LRRC36: variants seen among roughly 807,000 people sequenced by gnomAD.
LRRC36 encodes the protein leucine-rich repeat-containing protein 36.
A neutral mutation model predicts 81.1 loss-of-function variants in LRRC36; 62 were observed. The ratio of observed to expected loss-of-function variants is 0.76; its 90% confidence interval spans 0.62 to 0.94. The LOEUF (loss-of-function observed/expected upper bound fraction) is 0.94. Ranked by LOEUF, LRRC36 falls within the 40% of genes least tolerant of loss-of-function variation. The probability of loss-of-function intolerance (pLI) is 0.00; values close to 1 mark genes in which losing one functional copy is unlikely to be tolerated. For missense variants in LRRC36, 761 were observed against 881.7 expected (o/e 0.86, Z 1.73); for synonymous variants, 334 against 348.6 (o/e 0.96, Z 0.47).
intron 12 of LRRC36, among the ~76,000 whole-genome samples, chr16:67,381,488 G>A (rs866894858): frequency 1.5e-4 from 23 of 152,100 alleles, no homozygotes; most frequent in Middle Eastern, 3.2e-3. Context: ...TGGAGAATAC[G>A]GTGTGAGACC....
intron 8 of LRRC36, 67 bp from the exon 9 acceptor site, chr16:67,370,877 T>A: frequency 1.5e-6 from 2 of 1,346,928 alleles, no homozygotes; most frequent in South Asian, 1.3e-5. Context: ...ACAGGCAAGG[T>A]ATGGATAGAA....
intron 2 of LRRC36, among the ~76,000 whole-genome samples, chr16:67,345,110 A>C (rs1256450963): frequency 6.6e-6 from 1 of 152,000 alleles, no homozygotes; most frequent in Non-Finnish European, 1.5e-5. Flanking sequence ...TCAGGAGTTC[A>C]AGACCAGCCT....
In LRRC36 at chr16:67,363,580, T is replaced by C. The variant is rs879610543; in HGVS notation, c.578-10T>C. 5.6e-6 allele frequency: 9 copies of C among 1,613,268 alleles called. No individual in the cohort carries two copies. The highest frequency in any genetic ancestry group is 7.6e-6 in the Non-Finnish European group (9 of 1,179,500). On this transcript the variant is annotated splice_polypyrimidine_tract_variant and intron_variant, in intron 5 of 13. Transcript: ENST00000329956. ...GAGTGCTTTATTGTTTGCTTTTTCT[T>C]TTAACACAGACTCAAACAAAGGACT... is the stretch of plus-strand genomic sequence containing the variant.
In LRRC36 at chr16:67,371,008, A is replaced by G. The variant is rs1454602330; in HGVS notation, c.1260A>G (p.Leu420=). 4 of 1,614,130 alleles carry G rather than the reference A, an allele frequency of 2.5e-6. No homozygotes were observed. Among genetic ancestry groups the G allele is most frequent in the South Asian group, 1.1e-5 (1 of 91,080 alleles). ...PAVLVNVEQQ[L]STSLDDLTPA... ...TACTTGTCAATGTAGAGCAACAATT[A>G]TCTACCAGCCTGGATGATTTAACAC... Residue 420 remains leucine, a synonymous_variant, in exon 9 of 14, where the codon TTA becomes TTG. Coordinates refer to ENST00000329956, the MANE Select transcript of LRRC36 (RefSeq NM_018296.6).
At chr16:67,331,113 G>GAGAGAGAGAGAA (rs1567462464) in intron 1 of LRRC36, among the ~76,000 whole-genome samples, 15 of 136,136 alleles carry the variant, frequency 1.1e-4, no homozygotes, top group African/African-American at 4.0e-4. Context: ...GAGAGAGAGA[G>GAGAGAGAGAGAA]AAGACTGAAC....
chr16:67,337,280 C>T (rs1386541079), intron 1 of LRRC36, among the ~76,000 whole-genome samples: 2 of 151,472 alleles, frequency 1.3e-5, no homozygotes, highest in African/African-American at 4.8e-5. Context: ...TTCTATTGTT[C>T]TTTTGTGCTC....
In LRRC36 at chr16:67,370,314, C is replaced by T. The variant is rs1218427871; in HGVS notation, c.1196-630C>T. 4.6e-5 allele frequency among the ~76,000 whole-genome samples: 7 copies of T among 152,112 alleles called. No individual in the cohort carries two copies. The East Asian group carries it at 1.4e-3, about 29-fold the overall frequency. On this transcript the variant is annotated intron_variant, in intron 8 of 13. Coordinates refer to ENST00000329956, the MANE Select transcript of LRRC36 (RefSeq NM_018296.6). ...TTGAAGAGAGATGTGAAATATTTGT[C>T]TCAGAGAATAGAAGAGTAAATTGGC...
At chr16:67,382,779 C>T (rs148040286) in intron 13 of LRRC36, among the ~76,000 whole-genome samples, 12 of 152,026 alleles carry the variant, frequency 7.9e-5, no homozygotes, top group African/African-American at 2.4e-4. Context: ...GTCAAGAGAT[C>T]GAGACCATCC....
chr16:67,376,444 G>A (rs2039896632), intron 10 of LRRC36, among the ~76,000 whole-genome samples: 1 of 152,196 alleles, frequency 6.6e-6, no homozygotes, highest in African/African-American at 2.4e-5. Flanking sequence ...TCCTTCTCAT[G>A]TTGACCTATT....
At position 67,370,935 on chromosome 16, in the gene LRRC36, C is replaced by T. The variant is rs1272084511; in HGVS notation, c.1196-9C>T. 6.2e-7 allele frequency: 1 copy of T among 1,606,060 alleles called. No individual in the cohort carries two copies. The highest frequency in any genetic ancestry group is 2.2e-5 in the East Asian group (1 of 44,682). On this transcript the variant is annotated splice_polypyrimidine_tract_variant and intron_variant, in intron 8 of 13. Coordinates refer to ENST00000329956, the MANE Select transcript of LRRC36 (RefSeq NM_018296.6). ...GGCAGGTTCATCTGTTAGCCTGTTT[C>T]CTCCACAGATCTGTATGCCACAACC... is the stretch of plus-strand genomic sequence containing the variant.
chr16:67,374,635 A>T (rs1372378581), intron 9 of LRRC36, among the ~76,000 whole-genome samples: 2 of 151,384 alleles, frequency 1.3e-5, no homozygotes, highest in Non-Finnish European at 2.9e-5. Context: ...AGATCAAATG[A>T]TCTGCCTGCC....
intron 13 of LRRC36, among the ~76,000 whole-genome samples, chr16:67,384,448 A>G (rs2040221150): frequency 6.6e-6 from 1 of 152,176 alleles, no homozygotes; most frequent in Non-Finnish European, 1.5e-5. Flanking sequence ...AAAAAAAATT[A>G]GATGGTAATA....
At chr16:67,366,108 C>A (rs1252653278) in intron 7 of LRRC36, among the ~76,000 whole-genome samples, 3 of 148,784 alleles carry the variant, frequency 2.0e-5, no homozygotes, top group African/African-American at 7.5e-5. Flanking sequence ...GATTTCTAGG[C>A]AGTTCGTTCT....
Position 67,376,716 on chromosome 16 carries a change from A to AT in LRRC36, c.1661-6dup. ...AGATTGGCCTGTGTGCCCATCCTGAATTTTTGGCAGGTCCTGCCCGAGATT... is the reference window on the plus strand; with the variant it reads ...AGATTGGCCTGTGTGCCCATCCTGAATTTTTTGGCAGGTCCTGCCCGAGATT... On this transcript the variant is annotated splice_polypyrimidine_tract_variant and intron_variant, in intron 10 of 13. Coordinates refer to ENST00000329956, the MANE Select transcript of LRRC36 (RefSeq NM_018296.6). 6.2e-7 allele frequency: 1 copy of AT among 1,608,110 alleles called. No individual in the cohort carries two copies. Among genetic ancestry groups the AT allele is most frequent in the Non-Finnish European group, 8.5e-7 (1 of 1,175,330 alleles).
At chr16:67,329,292 G>T (rs1056514401) in intron 1 of LRRC36, among the ~76,000 whole-genome samples, 1 of 151,626 alleles carries the variant, frequency 6.6e-6, no homozygotes, top group Non-Finnish European at 1.5e-5. Flanking sequence ...TTCTTTTTTT[G>T]GTTTTGTTTT....
At chr16:67,373,210 CAAAT>C (rs1047367072) in intron 9 of LRRC36, among the ~76,000 whole-genome samples, 2 of 151,938 alleles carry the variant, frequency 1.3e-5, no homozygotes, top group African/African-American at 4.8e-5. Context: ...AATAAACAAA[CAAAT>C]AAATAAATGT....
chr16:67,359,294 T>C (rs2039042621), intron 5 of LRRC36, among the ~76,000 whole-genome samples: 1 of 152,226 alleles, frequency 6.6e-6, no homozygotes, highest in Non-Finnish European at 1.5e-5. Context: ...ATATCCATAT[T>C]CAGGCATTAA....
chr16:67,365,170 T>TAA lies in LRRC36; in HGVS notation c.703-132_703-131dup, dbSNP rs2039325889. ...AATAGACTTAAACTGGACCTTTGCT[T>TAA]AAAGGTCTGTTTCCCTAGCTTGCAA... On this transcript the variant is annotated intron_variant, in intron 6 of 13. Transcript: ENST00000329956. The TAA allele has an allele frequency of 9.8e-6, 6 of 611,552 alleles. No individual in the cohort carries two copies. In the South Asian group the frequency reaches 1.1e-4, roughly 11 times the overall value. The allele number at this position is 611,552 out of a possible 1,614,324, so 37.9% of individuals were successfully genotyped here.
At position 67,326,818 on chromosome 16, in the gene LRRC36, C is replaced by A; in HGVS notation, c.-45C>A. On this transcript the variant is annotated 5_prime_UTR_variant, in exon 1 of 14. Coordinates refer to ENST00000329956, the MANE Select transcript of LRRC36 (RefSeq NM_018296.6). ...GGGGCAGTGGGCGGGGCCTGGCGTG[C>A]GCCGGGTGGTCTCGCGGGCGGTGGC... 2 of 1,392,782 alleles carry A rather than the reference C, an allele frequency of 1.4e-6. No homozygotes were observed. The highest frequency in any genetic ancestry group is 1.5e-5 in the African/African-American group (1 of 65,348). 86.3% of individuals were successfully genotyped at this position (1,392,782 alleles called of 1,614,324 possible).
Sources: allele counts gnomAD v4.1 joint callset (sites outside exome capture counted in the v4.1 genomes callset), GRCh38; gene constraint gnomAD v4.1.1; transcripts MANE v1.5; gene names NCBI Gene and HGNC (gene_info 2026-07-23, HGNC 2026-07-21).